Variants in AGBL4 observed in about 807,000 individuals in gnomAD.
The protein encoded by AGBL4 is AGBL carboxypeptidase 4, also known as cytosolic carboxypeptidase 6.
AGBL4 carries 58 observed loss-of-function variants against 66.4 expected under a neutral mutation model. The ratio of observed to expected loss-of-function variants is 0.87; its 90% CI spans 0.71 to 1.09. AGBL4 has a LOEUF of 1.09. Ranked by LOEUF, AGBL4 falls within the 50% of genes least tolerant of loss-of-function variation. The probability of loss-of-function intolerance (pLI) is 0.00; values close to 1 mark genes in which losing one functional copy is unlikely to be tolerated. For missense variants in AGBL4, 579 were observed against 631.0 expected, an observed-to-expected ratio of 0.92 and a Z score of 0.88; for synonymous variants, 234 against 222.9, an observed-to-expected ratio of 1.05 and a Z score of -0.44.
rs367961259 is a variant in AGBL4, at chr1:49,542,113, T to C, written c.282+155200A>G. 1.9e-3 allele frequency among the ~76,000 whole-genome samples: 289 copies of C among 152,302 alleles called. 2 individuals are homozygous for C. Among genetic ancestry groups the C allele is most frequent in the South Asian group, 9.9e-3 (48 of 4,826 alleles). On this transcript the variant is annotated intron_variant, in intron 3 of 13. Coordinates refer to ENST00000371839, the MANE Select transcript of AGBL4 (RefSeq NM_032785.4). Reference sequence around the variant, plus strand: ...GATTGTAAACACACCAATCAGCACCTTGTCAAAACAGACCAATCAGCTCTC... The same window carrying C: ...GATTGTAAACACACCAATCAGCACCCTGTCAAAACAGACCAATCAGCTCTC...
At chr1:49,675,644 G>A (rs1008295230) in intron 3 of AGBL4, among the ~76,000 whole-genome samples, 2 of 151,952 alleles carry the variant, frequency 1.3e-5, no homozygotes, top group Non-Finnish European at 2.9e-5. Flanking sequence ...CCAAACAAAA[G>A]GCTCAGAAAA....
At chr1:49,951,089 G>A (rs1005004750) in intron 1 of AGBL4, among the ~76,000 whole-genome samples, 3 of 151,584 alleles carry the variant, frequency 2.0e-5, no homozygotes, top group African/African-American at 7.3e-5. Context: ...GGATAGAGGG[G>A]AATCAAGAGA....
At position 48,901,568 on chromosome 1, in the gene AGBL4, C is replaced by T. The variant is rs1570959572; in HGVS notation, c.595-34338G>A. Among the ~76,000 whole-genome samples the T allele has an allele frequency of 2.0e-5, 3 of 152,228 alleles. No individual in the cohort carries two copies. In the East Asian group the frequency reaches 5.8e-4, roughly 29 times the overall value. ...ACGAATGACCCACTGATGCACACAA[C>T]ATGGATGAATCTCAGAATGATTATT... On this transcript the variant is annotated intron_variant, in intron 5 of 13. Coordinates refer to ENST00000371839, the MANE Select transcript of AGBL4 (RefSeq NM_032785.4).
At chr1:48,954,712 C>T (rs1269919523) in intron 5 of AGBL4, among the ~76,000 whole-genome samples, 2 of 152,150 alleles carry the variant, frequency 1.3e-5, no homozygotes, top group African/African-American at 4.8e-5. Flanking sequence ...GCCTCAATGT[C>T]CCTCTGATCC....
At chr1:49,710,623 T>A (rs76612564) in intron 2 of AGBL4, among the ~76,000 whole-genome samples, 2,799 of 151,608 alleles carry the variant, frequency 0.018, 80 homozygotes, top group African/African-American at 0.062. Context: ...TTAAAATTTT[T>A]AAAAAATATA....
intron 6 of AGBL4, chr1:48,761,524 T>C: frequency 6.6e-7 from 1 of 1,519,646 alleles, no homozygotes; most frequent in South Asian, 1.2e-5. Flanking sequence ...TGAGTCATTA[T>C]GAGTTTAGAA....
chr1:49,717,637 T>G (rs189534660), intron 2 of AGBL4, among the ~76,000 whole-genome samples: 8 of 152,222 alleles, frequency 5.3e-5, no homozygotes, highest in Admixed American at 5.2e-4. Context: ...TTATTAAAAT[T>G]ACTTATTTAC....
chr1:49,504,016 A>G (rs1470257233), intron 3 of AGBL4, among the ~76,000 whole-genome samples: 2 of 152,124 alleles, frequency 1.3e-5, no homozygotes, highest in African/African-American at 4.8e-5. Context: ...GTCCCCACTC[A>G]AAGTCTCATT....
At chr1:49,322,411 C>T (rs1645147234) in intron 3 of AGBL4, among the ~76,000 whole-genome samples, 1 of 152,048 alleles carries the variant, frequency 6.6e-6, no homozygotes, top group African/African-American at 2.4e-5. Context: ...GCCATTTTAG[C>T]TATGTAGTAG....
chr1:49,241,580 T>G (rs1240267680), intron 4 of AGBL4, among the ~76,000 whole-genome samples: 1 of 152,068 alleles, frequency 6.6e-6, no homozygotes, highest in Non-Finnish European at 1.5e-5. Flanking sequence ...ATGTTTAGCA[T>G]AGTAGACTAT....
intron 1 of AGBL4, among the ~76,000 whole-genome samples, chr1:49,868,122 AG>A (rs200927359): frequency 0.022 from 3,376 of 152,294 alleles, 48 homozygotes; most frequent in Non-Finnish European, 0.034. Flanking sequence ...AGGAAATAAG[AG>A]GGGATACAAA....
At chr1:48,925,145 T>TAC (rs991179192) in intron 5 of AGBL4, among the ~76,000 whole-genome samples, 1 of 136,268 alleles carries the variant, frequency 7.3e-6, no homozygotes, top group African/African-American at 2.5e-5. Flanking sequence ...TATATATATA[T>TAC]ACATACACAC....
chr1:48,880,887 G>C lies in AGBL4; in HGVS notation c.595-13657C>G, dbSNP rs185290781. On this transcript the variant is annotated intron_variant, in intron 5 of 13. Transcript: ENST00000371839. Reference sequence around the variant, plus strand: ...CTGTTATTTTTAGTTTATATAATAAGAATTTTTCCAATACTGTTACATAGT... The same window carrying C: ...CTGTTATTTTTAGTTTATATAATAACAATTTTTCCAATACTGTTACATAGT... Among the ~76,000 whole-genome samples the C allele has an allele frequency of 3.1e-3, 471 of 152,182 alleles. 3 individuals are homozygous for C. Among genetic ancestry groups the C allele is most frequent in the African/African-American group, 0.01 (419 of 41,508 alleles).
chr1:48,935,177 A>G (rs1057183885), intron 5 of AGBL4, among the ~76,000 whole-genome samples: 2 of 152,232 alleles, frequency 1.3e-5, no homozygotes, highest in Non-Finnish European at 2.9e-5. Context: ...TTTCCAAAAT[A>G]TGCATTTCAC....
intron 1 of AGBL4, among the ~76,000 whole-genome samples, chr1:50,012,536 A>G (rs915941143): frequency 6.6e-6 from 1 of 152,152 alleles, no homozygotes; most frequent in African/African-American, 2.4e-5. Flanking sequence ...TTAAATTAGC[A>G]ATATAAGAAC....
intron 5 of AGBL4, among the ~76,000 whole-genome samples, chr1:48,919,484 T>C (rs917814948): frequency 2.0e-5 from 3 of 152,190 alleles, no homozygotes; most frequent in Non-Finnish European, 4.4e-5. Context: ...GATTCTACTA[T>C]GTTGAATCTA....
chr1:48,768,540 C>T (rs1280226010), intron 6 of AGBL4, among the ~76,000 whole-genome samples: 1 of 152,114 alleles, frequency 6.6e-6, no homozygotes, highest in Non-Finnish European at 1.5e-5. Flanking sequence ...TTAGAAAAAA[C>T]AAGCAGGTGA....
intron 4 of AGBL4, among the ~76,000 whole-genome samples, chr1:49,079,024 A>T (rs970970265): frequency 6.6e-6 from 1 of 152,194 alleles, no homozygotes; most frequent in Non-Finnish European, 1.5e-5. Context: ...TACACCAGCA[A>T]TCTTGAAACA....
intron 11 of AGBL4, chr1:48,584,940 C>G (rs1644796087): frequency 6.6e-6 from 1 of 152,214 alleles, no homozygotes; most frequent in Non-Finnish European, 1.5e-5. Context: ...TCTGGAATTC[C>G]TCCACCAGAA....
Sources: allele counts gnomAD v4.1 joint callset (sites outside exome capture counted in the v4.1 genomes callset), GRCh38; gene constraint gnomAD v4.1.1; transcripts MANE v1.5; gene names NCBI Gene and HGNC (gene_info 2026-07-23, HGNC 2026-07-21).